The following BCAS3 variants were observed in gnomAD, a reference collection of about 807,000 sequenced individuals.
The protein encoded by BCAS3 is BCAS4/BCAS3 fusion.
BCAS3 carries 53 observed loss-of-function variants against 116.1 expected under a neutral mutation model. That is an observed-to-expected ratio of 0.46 (90% CI 0.37 to 0.57). The LOEUF (loss-of-function observed/expected upper bound fraction) is 0.57. Ranked by LOEUF, BCAS3 falls within the 20% of genes least tolerant of loss-of-function variation. The probability of loss-of-function intolerance (pLI) is 0.00; values close to 1 mark genes in which losing one functional copy is unlikely to be tolerated. For missense variants in BCAS3, 917 were observed against 1,165.4 expected (o/e 0.79, Z 3.10); for synonymous variants, 391 against 408.2 (o/e 0.96, Z 0.51).
chr17:60,912,507 A>G (rs1395372702), intron 12 of BCAS3, among the ~76,000 whole-genome samples: 1 of 152,120 alleles, frequency 6.6e-6, no homozygotes, highest in Non-Finnish European at 1.5e-5. Flanking sequence ...ATTCTGGATT[A>G]TTAAATTTGG....
rs955300550 is a variant in BCAS3, at chr17:60,723,969, C to T, written c.321+14644C>T. 2.6e-5 allele frequency among the ~76,000 whole-genome samples: 4 copies of T among 151,504 alleles called. No homozygotes were observed. In the South Asian group the frequency reaches 8.4e-4, roughly 32 times the overall value. On this transcript the variant is annotated intron_variant, in intron 5 of 23. Coordinates refer to ENST00000407086, the MANE Select transcript of BCAS3 (RefSeq NM_017679.5). The stretch of plus-strand genomic sequence containing the variant: ...ACTCCTGATCTTGTGATCCACCTGC[C>T]TTGGCCTCCCAAAGTGCTGAGATTA...
chr17:61,388,528 C>A lies in BCAS3; in HGVS notation c.2594-3449C>A. ...GGTGTGCCCCTGCGCCTCCTGACACCTCTCCACCTGCTTGCAGAGATCAGT... is the reference window on the plus strand; with the variant it reads ...GGTGTGCCCCTGCGCCTCCTGACACATCTCCACCTGCTTGCAGAGATCAGT... On this transcript the variant is annotated intron_variant, in intron 23 of 23. Transcript: ENST00000407086. This position sits in a 1 kb window ranked among gnomAD's most constrained non-coding sequence, Gnocchi z 6.5. 7.6e-7 allele frequency: 1 copy of A among 1,314,148 alleles called. No homozygotes were observed. The highest frequency in any genetic ancestry group is 2.2e-5 in the Admixed American group (1 of 44,622). The allele number at this position is 1,314,148 out of a possible 1,614,324, so 81.4% of individuals were successfully genotyped here.
chr17:60,727,488 C>G, intron 5 of BCAS3: 1 of 1,521,986 alleles, frequency 6.6e-7, no homozygotes, highest in African/African-American at 1.4e-5. Flanking sequence ...ACCATCTTTG[C>G]AGCAGGGCTG....
chr17:61,286,623 C>CTGTT lies in BCAS3; in HGVS notation c.2426-81703_2426-81700dup, dbSNP rs1453028709. 2.0e-5 allele frequency among the ~76,000 whole-genome samples: 3 copies of CTGTT among 152,142 alleles called. No individual in the cohort carries two copies. The highest frequency in any genetic ancestry group is 4.4e-5 in the Non-Finnish European group (3 of 68,042). On this transcript the variant is annotated intron_variant, in intron 22 of 23. Coordinates refer to ENST00000407086, the MANE Select transcript of BCAS3 (RefSeq NM_017679.5). This position sits in a 1 kb window ranked among gnomAD's most constrained non-coding sequence, Gnocchi z 4.8. ...CAGTGTGCCAGGATCTGTGGGCACG[C>CTGTT]TGTTAGCAGGGCTAAGTTAAATACT... is the stretch of plus-strand genomic sequence containing the variant.
intron 7 of BCAS3, among the ~76,000 whole-genome samples, chr17:60,859,295 G>T (rs572988285): frequency 1.3e-5 from 2 of 152,164 alleles, no homozygotes; most frequent in South Asian, 4.2e-4. Context: ...TGTCACCCAG[G>T]TAGTGAGCAT....
rs950566133 is a variant in BCAS3, at chr17:61,181,077, T to A, written c.2425+96513T>A. Among the ~76,000 whole-genome samples, 1 of 151,876 alleles carries A rather than the reference T, an allele frequency of 6.6e-6. No homozygotes were observed. Among genetic ancestry groups the A allele is most frequent in the African/African-American group, 2.4e-5 (1 of 41,332 alleles). The stretch of plus-strand genomic sequence containing the variant: ...TGCAAAAAATTAAAATAAAAAAAAA[T>A]TAGCCCAGAATGGTGGCACACGCCT... On this transcript the variant is annotated intron_variant, in intron 22 of 23. Transcript: ENST00000407086. This position sits in a 1 kb window ranked among gnomAD's most constrained non-coding sequence, Gnocchi z 5.0.
intron 6 of BCAS3, among the ~76,000 whole-genome samples, chr17:60,756,800 A>G (rs2043025625): frequency 6.6e-6 from 1 of 152,190 alleles, no homozygotes; most frequent in African/African-American, 2.4e-5. Flanking sequence ...TTGCTGGATC[A>G]TATGGTAGTT....
chr17:60,732,437 TA>T, intron 5 of BCAS3, among the ~76,000 whole-genome samples: 1 of 152,292 alleles, frequency 6.6e-6, no homozygotes, highest in East Asian at 1.9e-4. Flanking sequence ...TGGATGAGAT[TA>T]TGAAGACTAG....
Position 60,799,520 on chromosome 17 carries a change from GTTTGTTTTT to G in BCAS3, c.404-8480_404-8472del, listed in dbSNP as rs1455118755. On this transcript the variant is annotated intron_variant, in intron 6 of 23. Transcript: ENST00000407086. ...AATATGTAAGTTTTTTGAGATTAGT[GTTTGTTTTT>G]TTTTTTTTTTTTTTTTGGAGACAGA... Among the ~76,000 whole-genome samples, 84 of 117,650 alleles carry G rather than the reference GTTTGTTTTT, an allele frequency of 7.1e-4. 2 individuals carry two copies. Among genetic ancestry groups the G allele is most frequent in the African/African-American group, 2.9e-3 (79 of 27,180 alleles). The allele number at this position is 117,650 out of a possible 152,430, so 77.2% of individuals were successfully genotyped here. A position where few individuals can be genotyped will look rare whatever the true frequency, so the allele number is the denominator to read the frequency against.
At chr17:61,322,822 G>GAC (rs2055367746) in intron 22 of BCAS3, among the ~76,000 whole-genome samples, 123 of 125,216 alleles carry the variant, frequency 9.8e-4, no homozygotes, top group Non-Finnish European at 1.5e-3. Flanking sequence ...GAGAGAGAGA[G>GAC]AGAGAGACAG....
chr17:60,856,895 A>G (rs2053727889), intron 7 of BCAS3, among the ~76,000 whole-genome samples: 1 of 152,194 alleles, frequency 6.6e-6, no homozygotes, highest in Admixed American at 6.5e-5. Flanking sequence ...AAATACTTTT[A>G]ATTAACCCTC....
At chr17:60,973,582 TA>T (rs1568002944) in intron 14 of BCAS3, among the ~76,000 whole-genome samples, 14 of 139,610 alleles carry the variant, frequency 1.0e-4, no homozygotes, top group African/African-American at 4.4e-4. Context: ...ATTACCTTAT[TA>T]TTAATATATA....
At chr17:61,297,024 T>A (rs1343305706) in intron 22 of BCAS3, among the ~76,000 whole-genome samples, 2 of 152,044 alleles carry the variant, frequency 1.3e-5, no homozygotes, top group Non-Finnish European at 2.9e-5. Context: ...TGTGGAAAAT[T>A]GATTGAAGTG....
chr17:60,816,741 T>G (rs982892416), intron 7 of BCAS3, among the ~76,000 whole-genome samples: 11 of 152,028 alleles, frequency 7.2e-5, no homozygotes, highest in Admixed American at 6.6e-4. Context: ...CATACACAGT[T>G]TGGGGTGGTT....
intron 23 of BCAS3, among the ~76,000 whole-genome samples, chr17:61,375,766 T>C (rs904184894): frequency 6.6e-6 from 1 of 151,988 alleles, no homozygotes; most frequent in African/African-American, 2.4e-5. Context: ...AGAGACAGGG[T>C]TTCACCATGT....
intron 22 of BCAS3, among the ~76,000 whole-genome samples, chr17:61,330,763 G>C (rs578196472): frequency 1.3e-5 from 2 of 152,188 alleles, no homozygotes; most frequent in Admixed American, 1.3e-4. Context: ...GAGGAGACCC[G>C]AGTTCTAATC....
chr17:60,934,284 C>G (rs1181388715), intron 13 of BCAS3, among the ~76,000 whole-genome samples: 1 of 152,140 alleles, frequency 6.6e-6, no homozygotes, highest in Admixed American at 6.5e-5. Context: ...TTCTTCATCA[C>G]TATTGCCACA....
chr17:61,133,859 CA>C (rs11449964), intron 22 of BCAS3, among the ~76,000 whole-genome samples: 24 of 81,922 alleles, frequency 2.9e-4, no homozygotes, highest in African/African-American at 9.6e-4. Flanking sequence ...CCTGGAATCT[CA>C]AAAAAAAAAA....
In BCAS3 at chr17:61,332,312, C is replaced by T. The variant is rs1288463722; in HGVS notation, c.2426-36015C>T. ...TTAAGGTATGCCCAGCGCTCAGACACCTAGTCATCCAGGCCCTGAACATCC... is the reference window on the plus strand; with the variant it reads ...TTAAGGTATGCCCAGCGCTCAGACATCTAGTCATCCAGGCCCTGAACATCC... On this transcript the variant is annotated intron_variant, in intron 22 of 23. Transcript: ENST00000407086. This position sits in a 1 kb window ranked among gnomAD's most constrained non-coding sequence, Gnocchi z 5.4. 6.6e-6 allele frequency among the ~76,000 whole-genome samples: 1 copy of T among 152,188 alleles called. No homozygotes were observed. The highest frequency in any genetic ancestry group is 1.5e-5 in the Non-Finnish European group (1 of 68,038).
Sources: gnomAD v4.1 joint callset for allele counts (sites outside exome capture counted in the v4.1 genomes callset) on GRCh38, gnomAD v4.1.1 for gene constraint, Gnocchi (gnomAD v3.1) non-coding constraint, MANE v1.5 for transcripts, NCBI Gene and HGNC (gene_info 2026-07-23, HGNC 2026-07-21) for gene names.